The following NRXN3 variants were observed in gnomAD, a reference collection of about 807,000 sequenced individuals.
NRXN3 encodes the protein neurexin III.
In NRXN3, 32 loss-of-function variants were observed where a neutral mutation model predicts 137.6. The observed-to-expected ratio is 0.23, with a 90% CI of 0.18 to 0.31. The LOEUF (loss-of-function observed/expected upper bound fraction) is 0.31. NRXN3 is among the 10% of genes least tolerant of loss of function. NRXN3 has a pLI of 1.00. For missense variants in NRXN3, 1,574 were observed against 2,062.5 expected (o/e 0.76, Z 4.59); for synonymous variants, 798 against 784.5 (o/e 1.02, Z -0.29).
At chr14:79,524,389 C>A (rs2097099014) in intron 16 of NRXN3, among the ~76,000 whole-genome samples, 1 of 152,154 alleles carries the variant, frequency 6.6e-6, no homozygotes, top group Non-Finnish European at 1.5e-5. Flanking sequence ...GTGGACCTTA[C>A]TTCTCTAAGT....
At chr14:78,224,917 C>A (rs1183467050) in intron 1 of NRXN3, among the ~76,000 whole-genome samples, 1 of 150,586 alleles carries the variant, frequency 6.6e-6, no homozygotes, top group African/African-American at 2.4e-5. Context: ...CAGGCACCCG[C>A]CACCGTGCCC....
At chr14:78,515,389 G>T (rs540266001) in intron 4 of NRXN3, among the ~76,000 whole-genome samples, 4 of 152,170 alleles carry the variant, frequency 2.6e-5, no homozygotes, top group South Asian at 4.2e-4. Context: ...TTAAGGTTTG[G>T]CTTATTTGTT....
At chr14:79,433,412 A>G (rs2095795122) in intron 15 of NRXN3, among the ~76,000 whole-genome samples, 1 of 152,132 alleles carries the variant, frequency 6.6e-6, no homozygotes, top group South Asian at 2.1e-4. Context: ...AGAGAATTCA[A>G]TGCCGAAAGG....
intron 20 of NRXN3, among the ~76,000 whole-genome samples, chr14:79,844,292 C>T (rs2099362398): frequency 6.6e-6 from 1 of 150,852 alleles, no homozygotes; most frequent in East Asian, 1.9e-4. Context: ...CCACCTCCTG[C>T]TAATGTTGAT....
chr14:79,272,897 G>A (rs2079574195), intron 15 of NRXN3, among the ~76,000 whole-genome samples: 1 of 152,190 alleles, frequency 6.6e-6, no homozygotes, highest in African/African-American at 2.4e-5. Flanking sequence ...TGGGGGCCGG[G>A]TGCGGTGGCT....
At chr14:79,686,319 A>G (rs2098694655) in intron 17 of NRXN3, among the ~76,000 whole-genome samples, 1 of 152,126 alleles carries the variant, frequency 6.6e-6, no homozygotes, top group Non-Finnish European at 1.5e-5. Flanking sequence ...CAGAGGCTAG[A>G]GCTCAATGCA....
chr14:78,349,241 T>C (rs1341234613), intron 4 of NRXN3, among the ~76,000 whole-genome samples: 1 of 152,226 alleles, frequency 6.6e-6, no homozygotes, highest in African/African-American at 2.4e-5. Flanking sequence ...AGCAGAGCTC[T>C]GGTGCAGGGG....
intron 16 of NRXN3, among the ~76,000 whole-genome samples, chr14:79,572,533 T>C (rs2097617347): frequency 6.6e-6 from 1 of 152,196 alleles, no homozygotes; most frequent in African/African-American, 2.4e-5. Flanking sequence ...TCTTTTGTGA[T>C]GTGGTTTAGA....
chr14:78,834,327 G>A (rs1232694767), intron 10 of NRXN3, among the ~76,000 whole-genome samples: 2 of 151,988 alleles, frequency 1.3e-5, no homozygotes, highest in Admixed American at 6.6e-5. Flanking sequence ...AGATGGAGGG[G>A]GATAAATGAC....
chr14:79,656,438 G>A (rs553193990), intron 16 of NRXN3, among the ~76,000 whole-genome samples: 2 of 152,172 alleles, frequency 1.3e-5, no homozygotes, highest in East Asian at 1.9e-4. Context: ...TGGATGTTCC[G>A]AGTAGATTTG....
At chr14:78,486,888 C>T (rs1364414469) in intron 4 of NRXN3, among the ~76,000 whole-genome samples, 1 of 152,148 alleles carries the variant, frequency 6.6e-6, no homozygotes, top group Non-Finnish European at 1.5e-5. Context: ...GTTTCATTTC[C>T]TAACCACCAA....
chr14:79,008,075 C>G (rs2099557433), intron 15 of NRXN3, among the ~76,000 whole-genome samples: 1 of 152,062 alleles, frequency 6.6e-6, no homozygotes. Context: ...GTGTTGTAAA[C>G]TGTTTAGATA....
At chr14:79,503,381 T>C (rs2096843651) in intron 16 of NRXN3, among the ~76,000 whole-genome samples, 1 of 152,142 alleles carries the variant, frequency 6.6e-6, no homozygotes, top group Non-Finnish European at 1.5e-5. Context: ...ATCTCCAGAC[T>C]CTACTTTCTC....
intron 16 of NRXN3, among the ~76,000 whole-genome samples, chr14:79,594,665 AT>A (rs2153825714): frequency 6.8e-6 from 1 of 147,618 alleles, no homozygotes; most frequent in South Asian, 2.1e-4. Flanking sequence ...CATCATAGAG[AT>A]GAATCACCTT....
intron 16 of NRXN3, among the ~76,000 whole-genome samples, chr14:79,640,551 T>A (rs1264201270): frequency 7.4e-6 from 1 of 135,756 alleles, no homozygotes; most frequent in Non-Finnish European, 1.7e-5. Context: ...TTTCTCTTTT[T>A]ATGTTGATTA....
intron 6 of NRXN3, among the ~76,000 whole-genome samples, chr14:78,652,326 G>A (rs2097753480): frequency 6.6e-6 from 1 of 152,178 alleles, no homozygotes; most frequent in African/African-American, 2.4e-5. Flanking sequence ...CATTGTAGCT[G>A]ATGTATTGAG....
intron 15 of NRXN3, among the ~76,000 whole-genome samples, chr14:79,197,215 C>T (rs1275766896): frequency 1.3e-5 from 2 of 152,160 alleles, no homozygotes; most frequent in Non-Finnish European, 2.9e-5. Context: ...CCTCAAGTCC[C>T]AGTCTAAAAA....
intron 15 of NRXN3, among the ~76,000 whole-genome samples, chr14:79,434,358 G>A (rs1472354778): frequency 1.3e-5 from 2 of 152,064 alleles, no homozygotes; most frequent in Admixed American, 1.3e-4. Context: ...AAATCAAGCT[G>A]AAGTCAAAGA....
intron 8 of NRXN3, among the ~76,000 whole-genome samples, chr14:78,721,841 C>A (rs779966265): frequency 1.3e-5 from 2 of 151,878 alleles, no homozygotes; most frequent in African/African-American, 2.4e-5. Flanking sequence ...CAAACTGTCT[C>A]CTTTTTTTTT....
Sources: gnomAD v4.1 joint callset for allele counts (sites outside exome capture counted in the v4.1 genomes callset) on GRCh38, gnomAD v4.1.1 for gene constraint, MANE v1.5 for transcripts, NCBI Gene and HGNC (gene_info 2026-07-23, HGNC 2026-07-21) for gene names.